Variants in ZC3H8 observed in about 807,000 individuals in gnomAD.
The protein encoded by ZC3H8 is zinc finger CCCH-type containing 8.
ZC3H8 carries 27 observed loss-of-function variants against 42.5 expected under a neutral mutation model. That is an observed-to-expected ratio of 0.64 (90% CI 0.47 to 0.88). The LOEUF (loss-of-function observed/expected upper bound fraction) is 0.88. ZC3H8 is among the 40% of genes least tolerant of loss of function. ZC3H8 has a pLI of 0.00. For synonymous variants in ZC3H8, 101 were observed against 110.1 expected (o/e 0.92, Z 0.52); for missense variants, 277 against 336.1 (o/e 0.82, Z 1.37).
chr2:112,225,748 CG>C (rs1478426522), intron 8 of ZC3H8, among the ~76,000 whole-genome samples: 2 of 151,998 alleles, frequency 1.3e-5, no homozygotes, highest in Non-Finnish European at 2.9e-5. Flanking sequence ...ACCCAGGAGA[CG>C]GAAGTTGCAG....
intron 5 of ZC3H8, among the ~76,000 whole-genome samples, chr2:112,233,868 C>CA (rs942141367): frequency 8.6e-5 from 13 of 151,640 alleles, no homozygotes; most frequent in African/African-American, 2.2e-4. Flanking sequence ...GACACCATCT[C>CA]AAAAAAAATA....
At chr2:112,246,376 C>A (rs1290653180) in intron 2 of ZC3H8, among the ~76,000 whole-genome samples, 1 of 152,210 alleles carries the variant, frequency 6.6e-6, no homozygotes, top group African/African-American at 2.4e-5. Flanking sequence ...AGTGATTTCT[C>A]TGATGGATCT....
chr2:112,232,578 T>C (rs1685143968), intron 6 of ZC3H8, among the ~76,000 whole-genome samples: 1 of 152,154 alleles, frequency 6.6e-6, no homozygotes, highest in Admixed American at 6.5e-5. Context: ...AGCATTCCTT[T>C]GGGGGTGGAG....
intron 6 of ZC3H8, 87 bp from the exon 7 acceptor site, chr2:112,232,034 A>T: frequency 1.3e-6 from 1 of 759,236 alleles, no homozygotes; most frequent in Non-Finnish European, 1.9e-6. Context: ...CTAAATAAAG[A>T]CCTCTGTGGC....
At chr2:112,238,633 T>G in intron 2 of ZC3H8, 105 bp from the exon 3 acceptor site, 1 of 861,630 alleles carries the variant, frequency 1.2e-6, no homozygotes, top group Non-Finnish European at 1.8e-6. Flanking sequence ...TTGTTGAAGG[T>G]GGGTAATAGG....
Position 112,255,018 on chromosome 2 carries a change from C to G in ZC3H8, c.-37G>C, listed in dbSNP as rs921408257. On this transcript the variant is annotated 5_prime_UTR_variant, in exon 1 of 9. Coordinates refer to ENST00000409573, the MANE Select transcript of ZC3H8 (RefSeq NM_032494.3). Reference sequence around the variant, plus strand: ...GTCCTCCCTTTCGCGAGCCGGGAAGCTACAGAGTAACAACCCGAGAGAGTG... The same window carrying G: ...GTCCTCCCTTTCGCGAGCCGGGAAGGTACAGAGTAACAACCCGAGAGAGTG... 3 of 1,572,836 alleles carry G rather than the reference C, an allele frequency of 1.9e-6. No homozygotes were observed. The African/African-American group carries it at 4.1e-5, about 21-fold the overall frequency.
intron 2 of ZC3H8, among the ~76,000 whole-genome samples, chr2:112,248,593 C>A (rs559835740): frequency 6.6e-6 from 1 of 151,880 alleles, no homozygotes; most frequent in South Asian, 2.1e-4. Context: ...CGGGTTTAAG[C>A]GATTCTCCTG....
At chr2:112,253,450 A>T (rs1450093223) in intron 1 of ZC3H8, among the ~76,000 whole-genome samples, 1 of 152,244 alleles carries the variant, frequency 6.6e-6, no homozygotes, top group African/African-American at 2.4e-5. Flanking sequence ...GATTCATCTG[A>T]CTGCATAAAA....
intron 2 of ZC3H8, among the ~76,000 whole-genome samples, chr2:112,241,439 A>G (rs977575439): frequency 3.3e-5 from 5 of 150,836 alleles, no homozygotes; most frequent in South Asian, 4.2e-4. Flanking sequence ...CTGTCCAGAG[A>G]CCCCCCCCTC....
chr2:112,244,900 A>G (rs1685704671), intron 2 of ZC3H8, among the ~76,000 whole-genome samples: 1 of 152,206 alleles, frequency 6.6e-6, no homozygotes, highest in African/African-American at 2.4e-5. Context: ...TACTGAAATT[A>G]GACTAATTAA....
chr2:112,232,503 A>T (rs1573903548), intron 6 of ZC3H8, among the ~76,000 whole-genome samples: 1 of 152,242 alleles, frequency 6.6e-6, no homozygotes, highest in East Asian at 1.9e-4. Flanking sequence ...AATAGAGTAC[A>T]GGCATGTTTC....
intron 8 of ZC3H8, among the ~76,000 whole-genome samples, chr2:112,222,388 G>T (rs1043849849): frequency 6.6e-6 from 1 of 152,124 alleles, no homozygotes; most frequent in Admixed American, 6.6e-5. Flanking sequence ...TACAAGAGGT[G>T]GGGGGAGGGT....
Position 112,213,196 on chromosome 2 carries a change from C to G in ZC3H8, c.*3288G>C, listed in dbSNP as rs946607692. ...TGTTGCCAAGGCTGGTCTCAAACTC[C>G]TGAACTCAAGTGATCCTCCTGCCTT... On this transcript the variant is annotated 3_prime_UTR_variant, in exon 9 of 9. Transcript: ENST00000409573. The G allele has an allele frequency of 6.6e-6, 1 of 152,064 alleles. No individual in the cohort carries two copies. Among genetic ancestry groups the G allele is most frequent in the African/African-American group, 2.4e-5 (1 of 41,382 alleles). The allele number at this position is 152,064 out of a possible 1,614,324, so 9.4% of individuals were successfully genotyped here.
intron 2 of ZC3H8, among the ~76,000 whole-genome samples, chr2:112,241,962 G>A (rs1183907493): frequency 1.3e-5 from 2 of 152,150 alleles, no homozygotes; most frequent in African/African-American, 4.8e-5. Context: ...GCACAAAGTG[G>A]ACTGAGAATT....
chr2:112,232,028 A>C, intron 6 of ZC3H8, 81 bp from the exon 7 acceptor site: 1 of 821,116 alleles, frequency 1.2e-6, no homozygotes, highest in Non-Finnish European at 1.8e-6. Context: ...TTTTTCCTAA[A>C]TAAAGACCTC....
chr2:112,235,844 A>G (rs1470890372), intron 4 of ZC3H8, among the ~76,000 whole-genome samples: 1 of 151,494 alleles, frequency 6.6e-6, no homozygotes, highest in Non-Finnish European at 1.5e-5. Context: ...GTAGTAAAAA[A>G]TTTGTAAGAC....
chr2:112,233,686 T>G (rs1200425884), intron 5 of ZC3H8, among the ~76,000 whole-genome samples: 2 of 152,018 alleles, frequency 1.3e-5, no homozygotes, highest in African/African-American at 4.8e-5. Context: ...GCTAACACGG[T>G]GAAACCTCGT....
intron 5 of ZC3H8, 100 bp downstream of exon 5, chr2:112,234,020 A>G (rs1023464209): frequency 4.3e-6 from 3 of 695,040 alleles, no homozygotes; most frequent in Non-Finnish European, 4.4e-6. Flanking sequence ...TTTTTCCAGA[A>G]TGAAACAGCT....
chr2:112,222,490 T>C (rs1175665746), intron 8 of ZC3H8, among the ~76,000 whole-genome samples: 2 of 152,132 alleles, frequency 1.3e-5, no homozygotes, highest in Admixed American at 6.5e-5. Flanking sequence ...ACAATATGGA[T>C]GAATCTTGAG....
Sources: allele counts gnomAD v4.1 joint callset (sites outside exome capture counted in the v4.1 genomes callset), GRCh38; gene constraint gnomAD v4.1.1; transcripts MANE v1.5; gene names NCBI Gene and HGNC (gene_info 2026-07-23, HGNC 2026-07-21).